Variants in DSCAML1 observed in about 807,000 individuals in gnomAD.
DSCAML1 encodes DS cell adhesion molecule like 1, also known as cell adhesion molecule DSCAML1.
In DSCAML1, 38 loss-of-function variants were observed where a neutral mutation model predicts 200.5. The observed-to-expected ratio is 0.19, with a 90% CI of 0.15 to 0.25. The LOEUF (loss-of-function observed/expected upper bound fraction) is 0.25. DSCAML1 is among the 10% of genes least tolerant of loss of function. The pLI is 1.00. For missense variants in DSCAML1, 2,223 were observed against 2,858.8 expected, an observed-to-expected ratio of 0.78 and a Z score of 5.07; for synonymous variants, 1,215 against 1,165.0, an observed-to-expected ratio of 1.04 and a Z score of -0.87.
intron 3 of DSCAML1, among the ~76,000 whole-genome samples, chr11:117,572,162 G>T (rs574312808): frequency 2.6e-5 from 4 of 151,988 alleles, no homozygotes; most frequent in African/African-American, 9.7e-5. Context: ...TTATGGACTC[G>T]CCCTGAATTC....
chr11:117,540,514 T>A (rs1233652380), intron 3 of DSCAML1, among the ~76,000 whole-genome samples: 1 of 151,876 alleles, frequency 6.6e-6, no homozygotes, highest in Non-Finnish European at 1.5e-5. Context: ...ATGACTGAAC[T>A]TAACCCTTAA....
In DSCAML1 at chr11:117,505,686, G is replaced by A; in HGVS notation, c.1830C>T (p.Gly610=). Residue 610 remains glycine, a synonymous_variant, in exon 9 of 33, where the codon GGC becomes GGT. Transcript: ENST00000651296. The surrounding 1 kb of genome is among the most constrained non-coding windows in gnomAD (Gnocchi z 6.7). Reference sequence around the variant, plus strand: ...CCACACAGGGAATGTAGAGCAGCTGGCCGATGGAGGCGGGTGGGAATTCGA... The same window carrying A: ...CCACACAGGGAATGTAGAGCAGCTGACCGATGGAGGCGGGTGGGAATTCGA... ...QPFEFPPASI[G]QLLYIPCVVS... 6.2e-7 allele frequency: 1 copy of A among 1,613,456 alleles called. No homozygotes were observed. The highest frequency in any genetic ancestry group is 8.5e-7 in the Non-Finnish European group (1 of 1,179,738).
chr11:117,485,797 G>A (rs1224295545), intron 11 of DSCAML1, among the ~76,000 whole-genome samples: 1 of 152,248 alleles, frequency 6.6e-6, no homozygotes, highest in Non-Finnish European at 1.5e-5. Context: ...AAGACAGACT[G>A]TGGTACTGAA....
intron 3 of DSCAML1, among the ~76,000 whole-genome samples, chr11:117,736,981 G>T (rs1390740147): frequency 6.6e-6 from 1 of 152,122 alleles, no homozygotes; most frequent in East Asian, 1.9e-4. Context: ...CATTACAGGG[G>T]GCAAACGAGA....
At chr11:117,660,903 A>C (rs1019604663) in intron 3 of DSCAML1, among the ~76,000 whole-genome samples, 4 of 152,180 alleles carry the variant, frequency 2.6e-5, no homozygotes, top group African/African-American at 9.6e-5. Context: ...CTATCACATT[A>C]TATACACTGC....
chr11:117,531,557 A>G (rs1166451888), intron 4 of DSCAML1, among the ~76,000 whole-genome samples: 1 of 152,190 alleles, frequency 6.6e-6, no homozygotes, highest in African/African-American at 2.4e-5. Flanking sequence ...GAGGTGGCCT[A>G]TGACAAAAGA....
intron 18 of DSCAML1, 115 bp downstream of exon 18, chr11:117,461,335 G>T: frequency 6.9e-7 from 1 of 1,456,126 alleles, no homozygotes. Flanking sequence ...AGAGGGGGCT[G>T]CACTTCCTCT....
chr11:117,780,195 GAA>G lies in DSCAML1; in HGVS notation c.364+296_364+297del, dbSNP rs1489145771. On this transcript the variant is annotated intron_variant, in intron 2 of 32. Coordinates refer to ENST00000651296, the MANE Select transcript of DSCAML1 (RefSeq NM_020693.4). This position sits in a 1 kb window ranked among gnomAD's most constrained non-coding sequence, Gnocchi z 4.8. ...AGAAAAAAAGAAAAAAAGAAAGAAA[GAA>G]AGAGAAAGAAAGAGAGAGAGAGAAA... 7.9e-5 allele frequency among the ~76,000 whole-genome samples: 5 copies of G among 63,430 alleles called. No homozygotes were observed. Among genetic ancestry groups the G allele is most frequent in the East Asian group, 8.7e-4 (2 of 2,302 alleles). 41.6% of individuals were successfully genotyped at this position (63,430 alleles called of 152,430 possible).
At chr11:117,810,380 C>A (rs986250162) in intron 1 of DSCAML1, among the ~76,000 whole-genome samples, 4 of 150,362 alleles carry the variant, frequency 2.7e-5, no homozygotes, top group Non-Finnish European at 4.4e-5. Context: ...CGCACCCCGA[C>A]CTCTTATCTC....
intron 3 of DSCAML1, among the ~76,000 whole-genome samples, chr11:117,774,655 C>G (rs2055099114): frequency 6.6e-6 from 1 of 152,280 alleles, no homozygotes; most frequent in East Asian, 1.9e-4. Context: ...TTCCTAAAGC[C>G]AAAGGCCTCA....
At chr11:117,475,983 TGA>T in intron 14 of DSCAML1, among the ~76,000 whole-genome samples, 1 of 152,296 alleles carries the variant, frequency 6.6e-6, no homozygotes, top group South Asian at 2.1e-4. Flanking sequence ...CCTGAATGGC[TGA>T]GACCAGGGGC....
At chr11:117,509,905 C>T (rs551439998) in intron 8 of DSCAML1, among the ~76,000 whole-genome samples, 2 of 152,210 alleles carry the variant, frequency 1.3e-5, no homozygotes, top group African/African-American at 2.4e-5. Context: ...CGAGTCCCAG[C>T]GTGTCCCTAG....
chr11:117,587,253 A>ACCCCCC (rs111247541), intron 3 of DSCAML1, among the ~76,000 whole-genome samples: 4 of 137,792 alleles, frequency 2.9e-5, no homozygotes, highest in Non-Finnish European at 6.2e-5. Context: ...ATTCTTTCCA[A>ACCCCCC]CCCCCCCCCA....
intron 3 of DSCAML1, among the ~76,000 whole-genome samples, chr11:117,650,030 A>G (rs932596562): frequency 6.6e-6 from 1 of 152,232 alleles, no homozygotes; most frequent in African/African-American, 2.4e-5. Context: ...CGGTTGGCAC[A>G]GGCTAGGCCA....
intron 8 of DSCAML1, among the ~76,000 whole-genome samples, chr11:117,515,470 A>G (rs1403327837): frequency 1.3e-5 from 2 of 152,326 alleles, no homozygotes; most frequent in Middle Eastern, 3.4e-3. Context: ...AGACATTGTC[A>G]TTGACTCACA....
intron 5 of DSCAML1, among the ~76,000 whole-genome samples, chr11:117,521,788 G>A (rs539740070): frequency 1.3e-5 from 2 of 152,248 alleles, no homozygotes; most frequent in East Asian, 1.9e-4. Context: ...GGCCCAGCAG[G>A]CTGTCTCCCA....
At chr11:117,492,994 G>A (rs867846811) in intron 11 of DSCAML1, among the ~76,000 whole-genome samples, 7 of 152,220 alleles carry the variant, frequency 4.6e-5, no homozygotes, top group Non-Finnish European at 7.3e-5. Flanking sequence ...GAGCCAGTGG[G>A]GAGGTGCCAG....
At chr11:117,698,715 G>A (rs545090426) in intron 3 of DSCAML1, among the ~76,000 whole-genome samples, 21 of 152,254 alleles carry the variant, frequency 1.4e-4, no homozygotes, top group African/African-American at 5.1e-4. Flanking sequence ...TCGGCTACAT[G>A]TATATCTTCT....
At chr11:117,734,945 T>C (rs1474389979) in intron 3 of DSCAML1, among the ~76,000 whole-genome samples, 1 of 151,994 alleles carries the variant, frequency 6.6e-6, no homozygotes, top group Non-Finnish European at 1.5e-5. Flanking sequence ...GTTGGGCCTG[T>C]GGGTGGCTGA....
Sources: gnomAD v4.1 joint callset for allele counts (sites outside exome capture counted in the v4.1 genomes callset) on GRCh38, gnomAD v4.1.1 for gene constraint, Gnocchi (gnomAD v3.1) non-coding constraint, MANE v1.5 for transcripts, NCBI Gene and HGNC (gene_info 2026-07-23, HGNC 2026-07-21) for gene names.